FYB2: variants seen among roughly 807,000 people sequenced by gnomAD.
The protein encoded by FYB2 is FYN binding protein 2, also known as FYN-binding protein 2.
In FYB2, 103 loss-of-function variants were observed where a neutral mutation model predicts 94.1. The observed-to-expected ratio is 1.09, with a 90% CI of 0.93 to 1.29. FYB2 has a LOEUF of 1.29. Ranked by LOEUF, FYB2 falls within the 50% of genes most tolerant of loss-of-function variation. FYB2 has a pLI of 0.00. For missense variants in FYB2, 896 were observed against 841.5 expected (o/e 1.06, Z -0.80); for synonymous variants, 293 against 287.9 (o/e 1.02, Z -0.18).
intron 4 of FYB2, among the ~76,000 whole-genome samples, chr1:56,782,637 C>G (rs1194849208): frequency 6.6e-6 from 1 of 152,044 alleles, no homozygotes; most frequent in Non-Finnish European, 1.5e-5. Flanking sequence ...AGCTTATCAG[C>G]TTTTAATAAA....
intron 1 of FYB2, among the ~76,000 whole-genome samples, chr1:56,796,247 GCC>G (rs1373564666): frequency 2.6e-5 from 4 of 152,154 alleles, no homozygotes. Context: ...TAGATGTGAT[GCC>G]TTTTGTTTTT....
chr1:56,792,696 G>T lies in FYB2; in HGVS notation c.117C>A (p.Asp39Glu). The T allele has an allele frequency of 6.2e-7, 1 of 1,614,066 alleles. No homozygotes were observed. The highest frequency in any genetic ancestry group is 8.5e-7 in the Non-Finnish European group (1 of 1,180,004). ...KFPAGVSPKG[D>E]IGGTQSTQIL... is the part of the protein sequence containing the mutation. ...TTTGAGTTGACTGTGTGCCTCCAAT[G>T]TCACCCTTTGGAGAAACACCTGCTG... The change falls in exon 2 of 20, where the codon GAC becomes GAA. Residue 39 changes from aspartate to glutamate, a missense_variant. Transcript: ENST00000343433.
In FYB2 at chr1:56,726,544, C is replaced by T; in HGVS notation, c.1833G>A (p.Leu611=). The change falls in exon 16 of 20, where the codon CTG becomes CTA. Residue 611 remains leucine (L), a synonymous_variant. Coordinates refer to ENST00000343433, the MANE Select transcript of FYB2 (RefSeq NM_001004303.5). The part of the protein sequence containing the change: ...DKLKMWKPKF[L]TPKEKKEKNG... Reference sequence around the variant, plus strand: ...TTTTCTCTTTTTTTTCCTTTGGTGTCAGAAACTTGGGCTTCCACATTTTCA... The same window carrying T: ...TTTTCTCTTTTTTTTCCTTTGGTGTTAGAAACTTGGGCTTCCACATTTTCA... 1 of 1,612,066 alleles carries T rather than the reference C, an allele frequency of 6.2e-7. No homozygotes were observed.
chr1:56,795,663 C>T (rs1052029189), intron 1 of FYB2, among the ~76,000 whole-genome samples: 2 of 151,674 alleles, frequency 1.3e-5, no homozygotes, highest in African/African-American at 2.4e-5. Context: ...AATAGCCATC[C>T]TAATGGTTAT....
chr1:56,805,976 T>A (rs942154372), intron 1 of FYB2, among the ~76,000 whole-genome samples: 2 of 152,186 alleles, frequency 1.3e-5, no homozygotes, highest in Non-Finnish European at 2.9e-5. Flanking sequence ...GACTAATACA[T>A]CTGTGGTGTT....
chr1:56,720,512 T>C (rs1487146213), intron 17 of FYB2, 183 bp from the exon 18 acceptor site: 1 of 446,158 alleles, frequency 2.2e-6, no homozygotes, highest in Admixed American at 4.2e-5. Flanking sequence ...TTTAAGAAAA[T>C]AATAGTAAAA....
intron 1 of FYB2, among the ~76,000 whole-genome samples, chr1:56,804,007 T>C (rs771470440): frequency 5.3e-5 from 8 of 152,162 alleles, no homozygotes; most frequent in African/African-American, 1.4e-4. Context: ...CCCACTGAAA[T>C]AGAAGCTCCG....
intron 11 of FYB2, among the ~76,000 whole-genome samples, 166 bp downstream of exon 11, chr1:56,743,860 T>C (rs1645011141): frequency 6.6e-6 from 1 of 152,100 alleles, no homozygotes; most frequent in Admixed American, 6.6e-5. Flanking sequence ...TATTAGCACA[T>C]ACCTTGGTAT....
chr1:56,765,437 C>G (rs973251083), intron 5 of FYB2, among the ~76,000 whole-genome samples: 1 of 152,232 alleles, frequency 6.6e-6, no homozygotes, highest in Non-Finnish European at 1.5e-5. Flanking sequence ...TTGACCTTCT[C>G]TGACATCACT....
intron 1 of FYB2, among the ~76,000 whole-genome samples, chr1:56,796,939 G>A (rs1646414444): frequency 6.6e-6 from 1 of 152,140 alleles, no homozygotes; most frequent in South Asian, 2.1e-4. Flanking sequence ...AGATGAATGA[G>A]GCAACCCCAA....
intron 4 of FYB2, among the ~76,000 whole-genome samples, chr1:56,786,042 G>A (rs188812909): frequency 2.1e-3 from 317 of 152,282 alleles, no homozygotes; most frequent in Non-Finnish European, 3.6e-3. Flanking sequence ...GAGTGCCCCT[G>A]GGCTAGCTTG....
chr1:56,736,423 G>GGTT (rs1569905815), intron 15 of FYB2, among the ~76,000 whole-genome samples: 1 of 91,438 alleles, frequency 1.1e-5, no homozygotes, highest in Admixed American at 9.6e-5. Context: ...CTTAAGGATG[G>GGTT]CTTTTTTTTT....
At chr1:56,809,841 C>G (rs141475345) in intron 1 of FYB2, among the ~76,000 whole-genome samples, 6 of 152,164 alleles carry the variant, frequency 3.9e-5, no homozygotes, top group African/African-American at 1.4e-4. Flanking sequence ...ACTCTTTCAC[C>G]TTTACAAAGC....
At chr1:56,826,223 C>T in the FYB2 span, among the ~76,000 whole-genome samples, 1 of 148,546 alleles carries the variant, frequency 6.7e-6, no homozygotes, top group African/African-American at 2.6e-5. Context: ...GGGAGGGGTA[C>T]CCCCTGCCTT....
intron 17 of FYB2, among the ~76,000 whole-genome samples, chr1:56,722,634 C>T (rs1217483514): frequency 6.6e-6 from 1 of 151,896 alleles, no homozygotes; most frequent in African/African-American, 2.4e-5. Context: ...GATGAAATAG[C>T]AAGACAAAGA....
Position 56,776,284 on chromosome 1 carries a change from T to C in FYB2, c.954-8346A>G, listed in dbSNP as rs1308863180. Among the ~76,000 whole-genome samples the C allele has an allele frequency of 2.6e-5, 4 of 152,176 alleles. No homozygotes were observed. The East Asian group carries it at 5.8e-4, about 22-fold the overall frequency. On this transcript the variant is annotated intron_variant, in intron 4 of 19. Transcript: ENST00000343433. ...AATTCTTTTATATATTAGTTATTTATATGGGGAAAATGTTATGGGGAAGTT... is the reference window on the plus strand; with the variant it reads ...AATTCTTTTATATATTAGTTATTTACATGGGGAAAATGTTATGGGGAAGTT...
At chr1:56,722,283 C>G (rs1182739382) in intron 17 of FYB2, among the ~76,000 whole-genome samples, 1 of 151,984 alleles carries the variant, frequency 6.6e-6, no homozygotes, top group African/African-American at 2.4e-5. Flanking sequence ...TAGTTCATCT[C>G]AAAAAATATT....
chr1:56,776,495 C>T (rs1367143841), intron 4 of FYB2, among the ~76,000 whole-genome samples: 1 of 151,860 alleles, frequency 6.6e-6, no homozygotes, highest in Non-Finnish European at 1.5e-5. Context: ...TTTTTTTTCC[C>T]ATTCATCTAG....
rs140587063 is a variant in FYB2, at chr1:56,740,668, G to A, written c.1703+29C>T. 9,705 of 1,352,442 alleles carry A rather than the reference G, an allele frequency of 7.2e-3. 51 individuals are homozygous for A. Among genetic ancestry groups the A allele is most frequent in the Middle Eastern group, 0.014 (71 of 5,252 alleles). The allele number at this position is 1,352,442 out of a possible 1,614,324, so 83.8% of individuals were successfully genotyped here. A position where few individuals can be genotyped will look rare whatever the true frequency, so the allele number is the denominator to read the frequency against. On this transcript the variant is annotated intron_variant, in intron 13 of 19. Coordinates refer to ENST00000343433, the MANE Select transcript of FYB2 (RefSeq NM_001004303.5). ...GTGTATCTACCAGGTTAATCCCCTC[G>A]TGGAAAGGGATTTAAAGGGACTTTT... is the stretch of plus-strand genomic sequence containing the variant.
Sources: allele counts gnomAD v4.1 joint callset (sites outside exome capture counted in the v4.1 genomes callset), GRCh38; gene constraint gnomAD v4.1.1; transcripts MANE v1.5; gene names NCBI Gene and HGNC (gene_info 2026-07-23, HGNC 2026-07-21).